VPS54: variants seen among roughly 807,000 people sequenced by gnomAD.
VPS54 encodes VPS54 subunit of GARP complex, also known as vacuolar protein sorting-associated protein 54.
VPS54 carries 45 observed loss-of-function variants against 121.5 expected under a neutral mutation model. The ratio of observed to expected loss-of-function variants is 0.37; its 90% CI spans 0.29 to 0.47. The LOEUF is 0.47. Among genes scored for constraint, VPS54 ranks in the 20% least tolerant of loss-of-function variants. VPS54 has a pLI of 0.99. For synonymous variants in VPS54, 371 were observed against 385.8 expected (o/e 0.96, Z 0.45); for missense variants, 1,090 against 1,131.4 (o/e 0.96, Z 0.52).
At chr2:63,944,398 G>A (rs1002807552) in intron 10 of VPS54, among the ~76,000 whole-genome samples, 3 of 152,082 alleles carry the variant, frequency 2.0e-5, no homozygotes, top group Admixed American at 2.0e-4. Flanking sequence ...CTCTACTCAA[G>A]GTCACAGCTT....
At chr2:63,931,983 G>T (rs181091526) in intron 12 of VPS54, among the ~76,000 whole-genome samples, 1 of 152,186 alleles carries the variant, frequency 6.6e-6, no homozygotes, top group African/African-American at 2.4e-5. Flanking sequence ...TTAGAATGGC[G>T]ATCACTACAA....
intron 1 of VPS54, among the ~76,000 whole-genome samples, chr2:64,007,321 T>C (rs1333043772): frequency 6.6e-6 from 1 of 152,134 alleles, no homozygotes; most frequent in East Asian, 1.9e-4. Context: ...GGGGAGTGAC[T>C]GGAAATAATG....
intron 4 of VPS54, among the ~76,000 whole-genome samples, chr2:63,969,540 A>G (rs947060847): frequency 1.3e-5 from 2 of 151,986 alleles, no homozygotes; most frequent in African/African-American, 2.4e-5. Flanking sequence ...ACTGTCTCCC[A>G]TCTCCCCCAG....
chr2:63,899,383 C>T (rs1170908717), intron 21 of VPS54, 91 bp downstream of exon 21: 7 of 1,061,598 alleles, frequency 6.6e-6, no homozygotes, highest in Non-Finnish European at 9.6e-6. Context: ...ACATGAACAG[C>T]TTAACTGCCA....
chr2:63,965,717 G>A, intron 6 of VPS54, 118 bp downstream of exon 6: 2 of 1,425,112 alleles, frequency 1.4e-6, no homozygotes, highest in East Asian at 2.4e-5. Flanking sequence ...ATAGTTATCA[G>A]TAAGAACAAA....
At position 63,942,503 on chromosome 2, in the gene VPS54, T is replaced by C. The variant is rs750461687; in HGVS notation, c.1360A>G (p.Ile454Val). The C allele has an allele frequency of 1.8e-5, 28 of 1,597,656 alleles. No homozygotes were observed. The highest frequency in any genetic ancestry group is 2.0e-5 in the Non-Finnish European group (24 of 1,171,322). The change falls in exon 11 of 23, where the codon ATT becomes GTT. Residue 454 changes from isoleucine to valine, a missense_variant. Ile to Val is a conservative substitution (Grantham distance 29). Coordinates refer to ENST00000272322, the MANE Select transcript of VPS54 (RefSeq NM_016516.3). Reference sequence around the variant, plus strand: ...AGGAAAATTGTAAACTTAGAGAAAATATCCTTGAGCAGATCAAACCACTGG... The same window carrying C: ...AGGAAAATTGTAAACTTAGAGAAAACATCCTTGAGCAGATCAAACCACTGG... ...FPQWFDLLKDIFSKFTIFLQR... is the reference protein window; with the variant it reads ...FPQWFDLLKDVFSKFTIFLQR...
intron 6 of VPS54, 48 bp downstream of exon 6, chr2:63,965,787 G>T: frequency 1.3e-6 from 2 of 1,598,712 alleles, no homozygotes; most frequent in Non-Finnish European, 1.7e-6. Flanking sequence ...AAACAGTACC[G>T]CTTAACTAGA....
At chr2:63,916,775 A>T in intron 16 of VPS54, 125 bp downstream of exon 16, 1 of 836,466 alleles carries the variant, frequency 1.2e-6, no homozygotes, top group Non-Finnish European at 1.9e-6. Flanking sequence ...GATTTAAAAC[A>T]GTTAATCCAA....
chr2:63,914,172 T>G lies in VPS54; in HGVS notation c.2334+10A>C. The stretch of plus-strand genomic sequence containing the variant: ...AAAATTTTTCCATAATGGAGTGAAG[T>G]CATACATACCTTCAATAAATCTGAC... On this transcript the variant is annotated intron_variant, in intron 17 of 22. Coordinates refer to ENST00000272322, the MANE Select transcript of VPS54 (RefSeq NM_016516.3). 6.3e-7 allele frequency: 1 copy of G among 1,596,380 alleles called. No individual in the cohort carries two copies. Among genetic ancestry groups the G allele is most frequent in the Non-Finnish European group, 8.6e-7 (1 of 1,165,004 alleles).
chr2:63,951,535 A>C (rs1371449652), intron 7 of VPS54, among the ~76,000 whole-genome samples: 1 of 152,134 alleles, frequency 6.6e-6, no homozygotes, highest in Non-Finnish European at 1.5e-5. Flanking sequence ...GGTGGTTATG[A>C]AATTATTACA....
At chr2:63,894,970 G>A (rs944172697) in intron 22 of VPS54, among the ~76,000 whole-genome samples, 3 of 152,186 alleles carry the variant, frequency 2.0e-5, no homozygotes, top group South Asian at 2.1e-4. Context: ...CTGCAGATGG[G>A]GTGTAAAGGT....
At chr2:63,924,870 G>A (rs1023366011) in intron 12 of VPS54, among the ~76,000 whole-genome samples, 2 of 151,944 alleles carry the variant, frequency 1.3e-5, no homozygotes, top group Admixed American at 1.3e-4. Context: ...TATCCATATG[G>A]GAAAAAAATC....
At chr2:63,950,322 C>T (rs1675180829) in intron 7 of VPS54, among the ~76,000 whole-genome samples, 1 of 152,250 alleles carries the variant, frequency 6.6e-6, no homozygotes, top group Admixed American at 6.5e-5. Context: ...ATAATCCTTT[C>T]CATAGAGTAG....
chr2:63,895,776 A>G (rs1381278688), intron 22 of VPS54, among the ~76,000 whole-genome samples: 2 of 152,196 alleles, frequency 1.3e-5, no homozygotes, highest in African/African-American at 4.8e-5. Context: ...ACATGAATTG[A>G]CTTATAAAGA....
intron 1 of VPS54, among the ~76,000 whole-genome samples, chr2:64,005,190 G>A (rs573960262): frequency 3.3e-4 from 41 of 122,758 alleles, no homozygotes; most frequent in African/African-American, 9.0e-4. Flanking sequence ...TGCAAGCTCC[G>A]CCTCCCAGGT....
Position 63,971,904 on chromosome 2 carries a change from C to T in VPS54, c.457+262G>A, listed in dbSNP as rs184794235. ...TACACACATGTGCCATCATGTCTAG[C>T]TTACTCATCTATTTTTAAGCAACAA... is the stretch of plus-strand genomic sequence containing the variant. On this transcript the variant is annotated intron_variant, in intron 4 of 22. Transcript: ENST00000272322. Among the ~76,000 whole-genome samples, 7 of 152,270 alleles carry T rather than the reference C, an allele frequency of 4.6e-5. No homozygotes were observed. In the East Asian group the frequency reaches 7.7e-4, roughly 17 times the overall value.
In VPS54 at chr2:63,965,865, A is replaced by T. The variant is rs1675969449; in HGVS notation, c.594T>A (p.Asp198Glu). 1 of 1,612,476 alleles carries T rather than the reference A, an allele frequency of 6.2e-7. No individual in the cohort carries two copies. The highest frequency in any genetic ancestry group is 1.7e-5 in the Admixed American group (1 of 59,772). The change falls in exon 6 of 23, where the codon GAT becomes GAA. Residue 198 changes from aspartate (D) to glutamate (E), a missense_variant. Asp to Glu is a conservative substitution (Grantham distance 45). Around this residue, in one of 2 missense-constraint regions of VPS54, gnomAD observed 801 missense variants for 757.0 expected, o/e 1.06. Coordinates refer to ENST00000272322, the MANE Select transcript of VPS54 (RefSeq NM_016516.3). ...FNTAGGKGNR[D>E]AASSKLLQEK... ...CTTGAAGCAACTTTGAGGAAGCTGCATCACGATTTCCTTTTCCACCAGCAG... is the reference window on the plus strand; with the variant it reads ...CTTGAAGCAACTTTGAGGAAGCTGCTTCACGATTTCCTTTTCCACCAGCAG...
intron 12 of VPS54, among the ~76,000 whole-genome samples, chr2:63,929,816 A>C (rs1674099151): frequency 6.6e-6 from 1 of 152,162 alleles, no homozygotes; most frequent in Non-Finnish European, 1.5e-5. Flanking sequence ...CACAATAAAA[A>C]ATGATAAAGG....
intron 1 of VPS54, among the ~76,000 whole-genome samples, chr2:64,002,988 G>C (rs1677955699): frequency 6.6e-6 from 1 of 152,132 alleles, no homozygotes; most frequent in Non-Finnish European, 1.5e-5. Flanking sequence ...AGAAAACATG[G>C]ATTTATTCAT....
Sources: allele counts gnomAD v4.1 joint callset (sites outside exome capture counted in the v4.1 genomes callset), GRCh38; gene constraint gnomAD v4.1.1; regional missense constraint gnomAD v4.1.1; transcripts MANE v1.5; gene names NCBI Gene and HGNC (gene_info 2026-07-23, HGNC 2026-07-21).